Variants in BLK observed in about 807,000 individuals in gnomAD.
BLK encodes BLK proto-oncogene, Src family tyrosine kinase.
A neutral mutation model predicts 61.8 loss-of-function variants in BLK; 64 were observed. The ratio of observed to expected loss-of-function variants is 1.03; its 90% confidence interval spans 0.85 to 1.27. The LOEUF is 1.27. Among genes scored for constraint, BLK ranks in the 50% most tolerant of loss-of-function variants. The pLI is 0.00. For synonymous variants in BLK, 351 were observed against 272.0 expected (o/e 1.29, Z -2.86); for missense variants, 853 against 660.5 (o/e 1.29, Z -3.19).
chr8:11,531,986 G>A (rs1370704099), intron 1 of BLK, among the ~76,000 whole-genome samples: 2 of 151,996 alleles, frequency 1.3e-5, no homozygotes, highest in Non-Finnish European at 2.9e-5. Context: ...AGCCTCCCAA[G>A]TAGCTGTGAT....
At chr8:11,500,368 A>AT (rs1356615645) in intron 1 of BLK, among the ~76,000 whole-genome samples, 6 of 139,818 alleles carry the variant, frequency 4.3e-5, no homozygotes, top group African/African-American at 8.0e-5. Flanking sequence ...TAATTTTTGT[A>AT]TTTTTTTGAT....
At chr8:11,540,086 T>C (rs1800310169) in intron 1 of BLK, among the ~76,000 whole-genome samples, 1 of 152,144 alleles carries the variant, frequency 6.6e-6, no homozygotes, top group African/African-American at 2.4e-5. Context: ...CTTCTGGGTA[T>C]TTTATCTTTG....
intron 5 of BLK, 96 bp downstream of exon 5, chr8:11,549,218 A>G (rs1585398613): frequency 8.7e-7 from 1 of 1,145,308 alleles, no homozygotes; most frequent in Non-Finnish European, 1.3e-6. Context: ...GGGACTGACC[A>G]GGGAGCCTGC....
At chr8:11,553,810 C>T (rs1417372216) in intron 6 of BLK, among the ~76,000 whole-genome samples, 12 of 152,092 alleles carry the variant, frequency 7.9e-5, no homozygotes. Flanking sequence ...CTGAGGGAAA[C>T]TGGAGGATGG....
intron 5 of BLK, 151 bp from the exon 6 acceptor site, chr8:11,550,008 A>C: frequency 2.8e-6 from 2 of 721,526 alleles, no homozygotes; most frequent in Non-Finnish European, 4.9e-6. Context: ...TGACTCCATC[A>C]CGGTGTGAGG....
intron 1 of BLK, among the ~76,000 whole-genome samples, chr8:11,531,608 G>T (rs568453982): frequency 7.2e-5 from 11 of 152,136 alleles, no homozygotes; most frequent in African/African-American, 2.7e-4. Flanking sequence ...GAGTCTTCGG[G>T]TCTATAGCTT....
intron 1 of BLK, among the ~76,000 whole-genome samples, chr8:11,533,608 G>C (rs1799987856): frequency 6.8e-6 from 1 of 146,700 alleles, no homozygotes; most frequent in African/African-American, 2.5e-5. Context: ...GGAGGAGAAG[G>C]AGGAGGAGAG....
chr8:11,517,462 A>C (rs1443396419), intron 1 of BLK, among the ~76,000 whole-genome samples: 1 of 152,164 alleles, frequency 6.6e-6, no homozygotes, highest in African/African-American at 2.4e-5. Flanking sequence ...TCTACCAGCC[A>C]CTTTCCCTGG....
chr8:11,521,382 C>A (rs114958102), intron 1 of BLK, among the ~76,000 whole-genome samples: 1,688 of 152,286 alleles, frequency 0.011, 28 homozygotes, highest in African/African-American at 0.039. Context: ...CCTTGACTTC[C>A]CAGGCTCAAG....
chr8:11,520,902 A>C lies in BLK; in HGVS notation c.-1-22322A>C, dbSNP rs1585348795. Reference sequence around the variant, plus strand: ...AACATTAGCAATGCCAATTCTCCAAAAATTGTATATAAATTTAAATTTAAT... The same window carrying C: ...AACATTAGCAATGCCAATTCTCCAACAATTGTATATAAATTTAAATTTAAT... On this transcript the variant is annotated intron_variant, in intron 1 of 12. Transcript: ENST00000259089. Among the ~76,000 whole-genome samples the C allele has an allele frequency of 2.6e-5, 4 of 152,240 alleles. No homozygotes were observed. In the South Asian group the frequency reaches 6.2e-4, roughly 24 times the overall value.
At chr8:11,548,257 C>A in intron 4 of BLK, 132 bp downstream of exon 4, 2 of 744,400 alleles carry the variant, frequency 2.7e-6, no homozygotes, top group Middle Eastern at 7.7e-4. Flanking sequence ...AGCCCTGGCC[C>A]CAGCATTTTC....
chr8:11,532,153 C>G (rs535081181), intron 1 of BLK, among the ~76,000 whole-genome samples: 1 of 149,304 alleles, frequency 6.7e-6, no homozygotes, highest in Non-Finnish European at 1.5e-5. Context: ...GCCAATGTAC[C>G]TGGTCATGTT....
intron 1 of BLK, among the ~76,000 whole-genome samples, chr8:11,501,095 G>A (rs1798544593): frequency 6.6e-6 from 1 of 152,100 alleles, no homozygotes; most frequent in African/African-American, 2.4e-5. Context: ...TGTAATCCCA[G>A]CTACTCAGAA....
intron 1 of BLK, among the ~76,000 whole-genome samples, chr8:11,501,045 C>T (rs963591552): frequency 2.6e-5 from 4 of 151,844 alleles, no homozygotes; most frequent in Non-Finnish European, 5.9e-5. Context: ...CCCATCTCTA[C>T]CAAAAATACA....
intron 3 of BLK, among the ~76,000 whole-genome samples, chr8:11,546,368 C>T (rs1032300453): frequency 2.0e-5 from 3 of 152,178 alleles, no homozygotes; most frequent in African/African-American, 7.2e-5. Flanking sequence ...AAACAAGAGT[C>T]CCAGGGAAGA....
chr8:11,556,539 T>C, intron 8 of BLK, 119 bp from the exon 9 acceptor site: 1 of 1,264,924 alleles, frequency 7.9e-7, no homozygotes, highest in South Asian at 1.2e-5. Flanking sequence ...AACTGCATGT[T>C]CCAGCTCTGG....
intron 1 of BLK, among the ~76,000 whole-genome samples, chr8:11,515,466 C>T (rs539392802): frequency 1.3e-5 from 2 of 152,112 alleles, no homozygotes; most frequent in Admixed American, 6.5e-5. Context: ...ACGAAGTAAG[C>T]AGCCGGCGCA....
At position 11,543,311 on chromosome 8, in the gene BLK, C is replaced by A. The variant is rs745832308; in HGVS notation, c.87C>A (p.Ser29Arg). The change falls in exon 2 of 13, where the codon AGC (serine) becomes AGA (arginine). Residue 29 changes from serine to arginine, a missense_variant. By Grantham distance (110) the Ser-to-Arg change is moderately radical. Coordinates refer to ENST00000259089, the MANE Select transcript of BLK (RefSeq NM_001715.3). ...DKGQWSPLKV[S>R]AQDKDAPPLP... ...GCCAATGGAGCCCCCTGAAGGTCAG[C>A]GCCCAAGACAAGGACGCCCCGCCAC... The A allele has an allele frequency of 1.9e-6, 3 of 1,613,500 alleles. No individual in the cohort carries two copies. The highest frequency in any genetic ancestry group is 2.5e-6 in the Non-Finnish European group (3 of 1,180,018).
chr8:11,564,449 C>A lies in BLK; in HGVS notation c.*341C>A. The A allele has an allele frequency of 1.8e-6, 1 of 559,728 alleles. No individual in the cohort carries two copies. Among genetic ancestry groups the A allele is most frequent in the Non-Finnish European group, 3.4e-6 (1 of 293,562 alleles). The allele number at this position is 559,728 out of a possible 1,614,324, so 34.7% of individuals were successfully genotyped here. A position where few individuals can be genotyped will look rare whatever the true frequency, so the allele number is the denominator to read the frequency against. On this transcript the variant is annotated 3_prime_UTR_variant, in exon 13 of 13. Transcript: ENST00000259089. The stretch of plus-strand genomic sequence containing the variant: ...CCGTGCTGGGCACCCCCCGTGCTGG[C>A]CGCGTCCCCGCCTCTGCGCCCTGCG...
Sources: gnomAD v4.1 joint callset for allele counts (sites outside exome capture counted in the v4.1 genomes callset) on GRCh38, gnomAD v4.1.1 for gene constraint, MANE v1.5 for transcripts, NCBI Gene and HGNC (gene_info 2026-07-23, HGNC 2026-07-21) for gene names.